GNAI1: variants seen among roughly 807,000 people sequenced by gnomAD.
The protein encoded by GNAI1 is G protein subunit alpha i1, also known as guanine nucleotide-binding protein G(i) subunit alpha-1.
In GNAI1, 11 loss-of-function variants were observed where a neutral mutation model predicts 38.9. That is an observed-to-expected ratio of 0.28 (90% CI 0.18 to 0.47). The LOEUF (loss-of-function observed/expected upper bound fraction) is 0.47, where lower values mean the gene tolerates loss of function less well. GNAI1 is among the 20% of genes least tolerant of loss of function. The pLI, the probability that GNAI1 is intolerant of heterozygous loss-of-function variation, is 0.99. For missense variants in GNAI1, 317 were observed against 436.9 expected, an observed-to-expected ratio of 0.73 and a Z score of 2.45; for synonymous variants, 166 against 145.1, an observed-to-expected ratio of 1.14 and a Z score of -1.04.
intron 4 of GNAI1, among the ~76,000 whole-genome samples, chr7:80,202,230 C>T (rs1788700173): frequency 1.3e-5 from 2 of 152,028 alleles, no homozygotes; most frequent in Non-Finnish European, 2.9e-5. Flanking sequence ...GCTGGGATTA[C>T]AGGCACGCCT....
intron 1 of GNAI1, among the ~76,000 whole-genome samples, chr7:80,181,180 A>T (rs922088716): frequency 1.3e-5 from 2 of 152,120 alleles, no homozygotes; most frequent in African/African-American, 4.8e-5. Flanking sequence ...AGCATAAGGA[A>T]TTTTATTCCC....
chr7:80,135,689 T>A (rs1583997244), intron 1 of GNAI1: 1 of 185,782 alleles, frequency 5.4e-6, no homozygotes. Context: ...GGAAAACCCT[T>A]CTTCGTGTGC....
chr7:80,208,211 T>A (rs930840778), intron 5 of GNAI1, among the ~76,000 whole-genome samples: 23 of 152,166 alleles, frequency 1.5e-4, no homozygotes, highest in African/African-American at 5.5e-4. Flanking sequence ...CTATGTGATG[T>A]TGGTTTAAAC....
In GNAI1 at chr7:80,137,312, CTTTTCTTTTTTTTT is replaced by C. The variant is rs1787436343; in HGVS notation, c.118+2039_118+2052del. ...TTTTTTCTTTTTTTTTTTTTCTTTT[CTTTTCTTTTTTTTT>C]TTTTTTTTTTTTGAGACGGAGTCTT... On this transcript the variant is annotated intron_variant, in intron 1 of 7. Coordinates refer to ENST00000649796, the MANE Select transcript of GNAI1 (RefSeq NM_002069.6). Among the ~76,000 whole-genome samples, 4 of 66,964 alleles carry C rather than the reference CTTTTCTTTTTTTTT, an allele frequency of 6.0e-5. No individual in the cohort carries two copies. The Admixed American group carries it at 7.0e-4, about 12-fold the overall frequency. 43.9% of individuals were successfully genotyped at this position (66,964 alleles called of 152,430 possible).
chr7:80,148,493 G>A (rs558326107), intron 1 of GNAI1, among the ~76,000 whole-genome samples: 142 of 150,878 alleles, frequency 9.4e-4, no homozygotes, highest in Middle Eastern at 3.4e-3. Context: ...ATATGTCGAC[G>A]TTTATGTCCA....
intron 7 of GNAI1, among the ~76,000 whole-genome samples, chr7:80,213,746 T>TA (rs1205932683): frequency 1.3e-5 from 2 of 151,978 alleles, no homozygotes; most frequent in East Asian, 1.9e-4. Flanking sequence ...CAGTATGCCT[T>TA]AAAAAAACAG....
intron 5 of GNAI1, among the ~76,000 whole-genome samples, chr7:80,204,157 G>C (rs1178906747): frequency 1.3e-5 from 2 of 151,982 alleles, no homozygotes; most frequent in African/African-American, 4.8e-5. Context: ...GGAAAGTGTT[G>C]CCATCTATTT....
In GNAI1 at chr7:80,223,501, T is replaced by A. The variant is rs1411691802; in HGVS notation, c.*6008T>A. ...AAACTTCACAGAGTTTTAGCTTTGA[T>A]CCTTCCTTCACTTTTGAAAATCAAG... On this transcript the variant is annotated 3_prime_UTR_variant, in exon 8 of 8. Transcript: ENST00000649796. Among the ~76,000 whole-genome samples the A allele has an allele frequency of 6.6e-6, 1 of 152,172 alleles. No homozygotes were observed. The highest frequency in any genetic ancestry group is 1.5e-5 in the Non-Finnish European group (1 of 68,016).
At chr7:80,200,324 C>CAAAAAAAAAAAA (rs59511755) in intron 4 of GNAI1, among the ~76,000 whole-genome samples, 807 of 40,358 alleles carry the variant, frequency 0.02, 159 homozygotes, top group African/African-American at 0.044. Context: ...GGCCATGTCT[C>CAAAAAAAAAAAA]AAAAAAAAAA....
At chr7:80,212,986 TA>T in intron 7 of GNAI1, 117 bp downstream of exon 7, 1 of 673,124 alleles carries the variant, frequency 1.5e-6, no homozygotes, top group Non-Finnish European at 2.5e-6. Context: ...CTTAGACCTT[TA>T]AGGGGTATTA....
chr7:80,184,012 G>T (rs1479757487), intron 1 of GNAI1, among the ~76,000 whole-genome samples: 2 of 151,938 alleles, frequency 1.3e-5, no homozygotes, highest in African/African-American at 2.4e-5. Context: ...TTATTTGCTG[G>T]GCTCCATATT....
At chr7:80,137,546 C>G (rs888982978) in intron 1 of GNAI1, among the ~76,000 whole-genome samples, 5 of 152,074 alleles carry the variant, frequency 3.3e-5, no homozygotes, top group African/African-American at 1.2e-4. Flanking sequence ...TCTCCAATTC[C>G]TGACCTCAGG....
intron 1 of GNAI1, among the ~76,000 whole-genome samples, chr7:80,171,580 T>C (rs922239002): frequency 2.0e-5 from 3 of 152,224 alleles, no homozygotes; most frequent in Non-Finnish European, 4.4e-5. Context: ...CTAGCGAAAC[T>C]GTATGCTTCC....
chr7:80,194,374 C>T (rs1788532693), intron 3 of GNAI1, among the ~76,000 whole-genome samples: 4 of 152,016 alleles, frequency 2.6e-5, no homozygotes, highest in Admixed American at 2.6e-4. Context: ...TATGTATTAA[C>T]TCTTTGTCCA....
chr7:80,164,574 G>A (rs989811695), intron 1 of GNAI1, among the ~76,000 whole-genome samples: 39 of 152,036 alleles, frequency 2.6e-4, no homozygotes, highest in African/African-American at 9.2e-4. Context: ...GTGTTAGCCA[G>A]GATGGTCTTG....
intron 1 of GNAI1, among the ~76,000 whole-genome samples, chr7:80,155,558 T>C (rs1387926627): frequency 6.6e-6 from 1 of 152,198 alleles, no homozygotes; most frequent in East Asian, 1.9e-4. Flanking sequence ...ATGTATTTTA[T>C]GTAGTCTAGT....
intron 3 of GNAI1, among the ~76,000 whole-genome samples, chr7:80,197,253 A>C (rs1169437988): frequency 6.6e-6 from 1 of 151,696 alleles, no homozygotes; most frequent in Non-Finnish European, 1.5e-5. Flanking sequence ...AAGAAAAATA[A>C]AACATCATCT....
chr7:80,175,595 C>G (rs921608620), intron 1 of GNAI1, among the ~76,000 whole-genome samples: 23 of 151,172 alleles, frequency 1.5e-4, no homozygotes, highest in South Asian at 4.2e-4. Flanking sequence ...TTGTGGCCAC[C>G]CTGCATCCAG....
chr7:80,134,980 G>T lies in GNAI1; in HGVS notation c.-181G>T. ...GCCTGGTCGTGAGGAACAGCCGCCC[G>T]TTGCTGTCTGCCCCTTTGCGGACAG... On this transcript the variant is annotated 5_prime_UTR_variant, in exon 1 of 8. Coordinates refer to ENST00000649796, the MANE Select transcript of GNAI1 (RefSeq NM_002069.6). 1 of 407,566 alleles carries T rather than the reference G, an allele frequency of 2.5e-6. No homozygotes were observed. The highest frequency in any genetic ancestry group is 4.3e-6 in the Non-Finnish European group (1 of 231,312). 25.2% of individuals were successfully genotyped at this position (407,566 alleles called of 1,614,324 possible).
Sources: gnomAD v4.1 joint callset for allele counts (sites outside exome capture counted in the v4.1 genomes callset) on GRCh38, gnomAD v4.1.1 for gene constraint, MANE v1.5 for transcripts, NCBI Gene and HGNC (gene_info 2026-07-23, HGNC 2026-07-21) for gene names.